The following SLCO2A1 variants were observed in gnomAD, a reference collection of about 807,000 sequenced individuals.
SLCO2A1 encodes the protein matrin F/G 1.
Under a neutral mutation model 71.7 loss-of-function variants are expected in SLCO2A1, and 60 were observed. That is an observed-to-expected ratio of 0.84 (90% CI 0.68 to 1.04). The LOEUF (loss-of-function observed/expected upper bound fraction) is 1.04, where lower values mean the gene tolerates loss of function less well. Among genes scored for constraint, SLCO2A1 ranks in the 50% least tolerant of loss-of-function variants. The probability of loss-of-function intolerance (pLI) is 0.00; values close to 1 mark genes in which losing one functional copy is unlikely to be tolerated. For missense variants in SLCO2A1, 745 were observed against 813.4 expected, an observed-to-expected ratio of 0.92 and a Z score of 1.02; for synonymous variants, 308 against 326.7, an observed-to-expected ratio of 0.94 and a Z score of 0.62.
intron 5 of SLCO2A1, among the ~76,000 whole-genome samples, chr3:133,951,707 C>T (rs953303306): frequency 1.3e-5 from 2 of 152,206 alleles, no homozygotes; most frequent in Non-Finnish European, 2.9e-5. Context: ...ATCTGTTTTC[C>T]ACTGGGTTCT....
At chr3:133,943,189 G>A (rs950648307) in intron 10 of SLCO2A1, among the ~76,000 whole-genome samples, 5 of 152,208 alleles carry the variant, frequency 3.3e-5, no homozygotes, top group African/African-American at 1.2e-4. Context: ...AGGGCAGTGG[G>A]AACACAGTGG....
intron 1 of SLCO2A1, among the ~76,000 whole-genome samples, chr3:134,002,555 A>G (rs1257106036): frequency 6.6e-6 from 1 of 152,250 alleles, no homozygotes; most frequent in African/African-American, 2.4e-5. Context: ...TGAGTGCTGC[A>G]TATGAATCAC....
At chr3:133,938,784 A>AT (rs1933339941) in intron 11 of SLCO2A1, among the ~76,000 whole-genome samples, 1 of 151,938 alleles carries the variant, frequency 6.6e-6, no homozygotes, top group South Asian at 2.1e-4. Flanking sequence ...AGCAATCTGT[A>AT]TTTTACCTCC....
At chr3:133,975,757 C>T (rs35819071) in intron 2 of SLCO2A1, among the ~76,000 whole-genome samples, 25,369 of 152,076 alleles carry the variant, frequency 0.17, 2,330 homozygotes, top group Middle Eastern at 0.24. Flanking sequence ...TCTGACTTTA[C>T]GTCCTCAGGA....
At chr3:133,961,924 T>A (rs1240957486) in intron 3 of SLCO2A1, among the ~76,000 whole-genome samples, 1 of 152,160 alleles carries the variant, frequency 6.6e-6, no homozygotes, top group East Asian at 1.9e-4. Context: ...TGTGGCCCAC[T>A]AACAGAACCG....
intron 2 of SLCO2A1, among the ~76,000 whole-genome samples, chr3:133,974,513 T>A (rs767392771): frequency 2.0e-5 from 3 of 152,228 alleles, no homozygotes; most frequent in Non-Finnish European, 4.4e-5. Flanking sequence ...GCAGCTCTGC[T>A]ACTATCCTGC....
intron 4 of SLCO2A1, among the ~76,000 whole-genome samples, chr3:133,954,662 A>G (rs1385606960): frequency 6.6e-6 from 1 of 152,212 alleles, no homozygotes; most frequent in Non-Finnish European, 1.5e-5. Flanking sequence ...GCCCAACACC[A>G]GCTAAGTGGT....
intron 1 of SLCO2A1, among the ~76,000 whole-genome samples, chr3:134,022,899 A>G (rs943771358): frequency 6.6e-6 from 1 of 152,242 alleles, no homozygotes; most frequent in Non-Finnish European, 1.5e-5. Context: ...GTTAAAACAA[A>G]AGGTCGATGT....
chr3:133,959,843 G>A (rs373493218), intron 3 of SLCO2A1, among the ~76,000 whole-genome samples: 58 of 152,060 alleles, frequency 3.8e-4, no homozygotes, highest in East Asian at 1.2e-3. Context: ...CTAATGGGCC[G>A]GGTGCGGTGG....
intron 1 of SLCO2A1, among the ~76,000 whole-genome samples, chr3:134,003,045 C>T (rs768220466): frequency 3.9e-5 from 6 of 152,156 alleles, no homozygotes; most frequent in African/African-American, 9.7e-5. Flanking sequence ...AGGACTGATC[C>T]GCTTCCCAAC....
intron 1 of SLCO2A1, among the ~76,000 whole-genome samples, chr3:134,009,431 TC>T (rs1352933987): frequency 6.6e-6 from 1 of 152,258 alleles, no homozygotes; most frequent in Non-Finnish European, 1.5e-5. Flanking sequence ...TAGATGGATG[TC>T]CCATGATTTA....
At chr3:134,018,407 G>C (rs1243123077) in intron 1 of SLCO2A1, among the ~76,000 whole-genome samples, 1 of 152,174 alleles carries the variant, frequency 6.6e-6, no homozygotes, top group South Asian at 2.1e-4. Context: ...CTGGGGGTCA[G>C]AAGCCTCAGG....
chr3:133,934,116 A>C lies in SLCO2A1; in HGVS notation c.*597T>G, dbSNP rs1386391382. On this transcript the variant is annotated 3_prime_UTR_variant, in exon 14 of 14. Transcript: ENST00000310926. ...TGTACTTCCCAACATGGCAGCATCC[A>C]GAATGGCCTCTAGGTACAGGAAGTG... 6.6e-6 allele frequency: 1 copy of C among 152,418 alleles called. No individual in the cohort carries two copies. The highest frequency in any genetic ancestry group is 1.5e-5 in the Non-Finnish European group (1 of 68,210). 9.4% of individuals were successfully genotyped at this position (152,418 alleles called of 1,614,324 possible).
chr3:133,986,290 G>A (rs7630626), intron 1 of SLCO2A1, among the ~76,000 whole-genome samples: 152,392 of 152,392 alleles, frequency 1, 76,196 homozygotes, highest in Non-Finnish European at 1. Context: ...AATCATGAGC[G>A]TTGGCAATGT....
chr3:133,951,070 T>G lies in SLCO2A1; in HGVS notation c.861+138A>C, dbSNP rs374950999. 1.1e-3 allele frequency: 1,305 copies of G among 1,155,512 alleles called. 21 individuals are homozygous for G. The South Asian group carries it at 0.015, about 13-fold the overall frequency. 71.6% of individuals were successfully genotyped at this position (1,155,512 alleles called of 1,614,324 possible). On this transcript the variant is annotated intron_variant, in intron 6 of 13. Transcript: ENST00000310926. ...CTCACCTCTTAAAGCCTCTGGGAAG[T>G]CCTGCATCATGAAATTTGTTTAGAT...
intron 2 of SLCO2A1, among the ~76,000 whole-genome samples, chr3:133,978,857 C>T (rs1934519253): frequency 6.6e-6 from 1 of 152,342 alleles, no homozygotes; most frequent in African/African-American, 2.4e-5. Flanking sequence ...CCTCCTCTGG[C>T]TTCTCGGCCC....
Position 133,948,639 on chromosome 3 carries a change from G to A in SLCO2A1, c.1002C>T (p.Ala334=). The A allele has an allele frequency of 6.2e-7, 1 of 1,614,086 alleles. No individual in the cohort carries two copies. Among genetic ancestry groups the A allele is most frequent in the Non-Finnish European group, 8.5e-7 (1 of 1,180,004 alleles). The part of the protein sequence containing the change: ...MNSLFVLVVL[A]QCTFSSVIAG... ...CAATGACGGAGGAGAAGGTGCACTG[G>A]GCCAGGACCACCAGGACGAAGAGTG... The change falls in exon 8 of 14, where the codon GCC becomes GCT. Residue 334 remains alanine (A), a synonymous_variant. Coordinates refer to ENST00000310926, the MANE Select transcript of SLCO2A1 (RefSeq NM_005630.3).
chr3:133,983,405 C>A (rs1486291132), intron 1 of SLCO2A1, among the ~76,000 whole-genome samples: 1 of 152,242 alleles, frequency 6.6e-6, no homozygotes, highest in Admixed American at 6.5e-5. Flanking sequence ...CAGAAATGAG[C>A]TACCCCAATG....
intron 1 of SLCO2A1, among the ~76,000 whole-genome samples, chr3:134,023,174 C>A (rs1395597585): frequency 6.6e-6 from 1 of 152,102 alleles, no homozygotes; most frequent in Non-Finnish European, 1.5e-5. Context: ...ACTCATTACA[C>A]CCGAGTCAAG....
Sources: gnomAD v4.1 joint callset for allele counts (sites outside exome capture counted in the v4.1 genomes callset) on GRCh38, gnomAD v4.1.1 for gene constraint, MANE v1.5 for transcripts, NCBI Gene and HGNC (gene_info 2026-07-23, HGNC 2026-07-21) for gene names.